RSPH14: variants seen among roughly 807,000 people sequenced by gnomAD.
The protein encoded by RSPH14 is rhabdoid tumor deletion region gene 1.
In RSPH14, 20 loss-of-function variants were observed where a neutral mutation model predicts 26.7. That is an observed-to-expected ratio of 0.75 (90% CI 0.53 to 1.09). The LOEUF is 1.09. Ranked by LOEUF, RSPH14 falls within the 50% of genes least tolerant of loss-of-function variation. RSPH14 has a pLI of 0.00. For missense variants in RSPH14, 449 were observed against 457.2 expected (o/e 0.98, Z 0.16); for synonymous variants, 177 against 189.3 (o/e 0.93, Z 0.53).
At chr22:23,087,517 C>T (rs574329839) in intron 4 of RSPH14, among the ~76,000 whole-genome samples, 265 of 152,280 alleles carry the variant, frequency 1.7e-3, no homozygotes, top group Non-Finnish European at 2.1e-3. Flanking sequence ...CTAGACAGAG[C>T]CGATTCTTCA....
At chr22:23,113,360 C>G (rs1399074393) in intron 4 of RSPH14, among the ~76,000 whole-genome samples, 1 of 152,232 alleles carries the variant, frequency 6.6e-6, no homozygotes, top group Non-Finnish European at 1.5e-5. Flanking sequence ...TCCCATCAAC[C>G]CCTCACACAC....
chr22:23,144,355 C>G (rs1422369974), upstream of RSPH14, among the ~76,000 whole-genome samples: 1 of 152,204 alleles, frequency 6.6e-6, no homozygotes, highest in East Asian at 1.9e-4. Flanking sequence ...TACCAGGAAG[C>G]TTTCAGTACA....
At chr22:23,076,156 G>A (rs1213435593) in intron 4 of RSPH14, among the ~76,000 whole-genome samples, 1 of 152,220 alleles carries the variant, frequency 6.6e-6, no homozygotes, top group African/African-American at 2.4e-5. Context: ...GGGCCTCTAT[G>A]TAGAACAGCG....
chr22:23,135,760 C>A (rs142621592), intron 3 of RSPH14, among the ~76,000 whole-genome samples: 14 of 152,044 alleles, frequency 9.2e-5, no homozygotes, highest in African/African-American at 3.4e-4. Flanking sequence ...TAAAATGAAC[C>A]ATTTAAAGGA....
the RSPH14 span, among the ~76,000 whole-genome samples, chr22:23,160,721 G>A: frequency 6.6e-6 from 1 of 152,154 alleles, no homozygotes; most frequent in Non-Finnish European, 1.5e-5. Flanking sequence ...GTGTGAGTGG[G>A]TGGGGCTGTG....
the RSPH14 span, among the ~76,000 whole-genome samples, chr22:23,177,152 C>T: frequency 3.9e-5 from 6 of 152,240 alleles, no homozygotes; most frequent in Non-Finnish European, 7.3e-5. Context: ...CATCTCCCAA[C>T]CTGGCTGCTC....
chr22:23,099,297 C>T (rs2069225428), intron 4 of RSPH14, among the ~76,000 whole-genome samples: 2 of 152,246 alleles, frequency 1.3e-5, no homozygotes, highest in South Asian at 4.1e-4. Context: ...AGCATGGCAG[C>T]GAGCCACATG....
chr22:23,059,488 T>C lies in RSPH14; in HGVS notation c.1021A>G (p.Ile341Val), dbSNP rs767233021. Residue 341 changes from isoleucine (I) to valine (V), a missense_variant, in exon 7 of 7, where the codon ATC (isoleucine) becomes GTC (valine). Physicochemically the swap from Ile to Val is conservative, Grantham distance 29. Coordinates refer to ENST00000216036, the MANE Select transcript of RSPH14 (RefSeq NM_014433.3). ...EALQRAARIA[I>V]SVIEFKP ...CAGGGTTTGAACTCGATGACACTGA[T>C]GGCGATCCGGGCTGCCCGCTGTAAG... 21 of 1,612,464 alleles carry C rather than the reference T, an allele frequency of 1.3e-5. No individual in the cohort carries two copies. Among genetic ancestry groups the C allele is most frequent in the African/African-American group, 4.0e-5 (3 of 74,868 alleles).
chr22:23,174,153 G>C, the RSPH14 span, among the ~76,000 whole-genome samples: 12 of 151,964 alleles, frequency 7.9e-5, no homozygotes, highest in African/African-American at 2.6e-4. Flanking sequence ...TGGCCTCCGG[G>C]AGGGGTTTGC....
the RSPH14 span, chr22:23,161,709 C>T: frequency 1.9e-5 from 13 of 688,772 alleles, no homozygotes; most frequent in Non-Finnish European, 2.6e-5. Flanking sequence ...ACCCACCCAC[C>T]GGGCTCAGCT....
chr22:23,152,396 G>C, the RSPH14 span: 1 of 1,532,088 alleles, frequency 6.5e-7, no homozygotes, highest in Non-Finnish European at 9.0e-7. Context: ...GAAGGAAGGG[G>C]CTGTGAGTGT....
chr22:23,078,150 G>C (rs899890941), intron 4 of RSPH14, among the ~76,000 whole-genome samples: 1 of 152,204 alleles, frequency 6.6e-6, no homozygotes, highest in Non-Finnish European at 1.5e-5. Context: ...CCTCCAGCAT[G>C]GTCACCCCCT....
chr22:23,070,198 G>A (rs1291726637), intron 4 of RSPH14, among the ~76,000 whole-genome samples: 2 of 151,748 alleles, frequency 1.3e-5, no homozygotes, highest in Non-Finnish European at 2.9e-5. Flanking sequence ...AATGGACAGA[G>A]GGCCGGCGCT....
At chr22:23,091,417 C>A (rs1347192396) in intron 4 of RSPH14, among the ~76,000 whole-genome samples, 2 of 151,814 alleles carry the variant, frequency 1.3e-5, no homozygotes, top group African/African-American at 4.8e-5. Context: ...CATACATGCA[C>A]ACGCACCACA....
chr22:23,153,476 A>G, the RSPH14 span: 1 of 709,406 alleles, frequency 1.4e-6, no homozygotes, highest in Non-Finnish European at 1.7e-6. Context: ...CCAGGCCAGC[A>G]GGGTGGCCTC....
intron 4 of RSPH14, among the ~76,000 whole-genome samples, chr22:23,110,328 C>T (rs1472175852): frequency 2.0e-5 from 3 of 152,154 alleles, no homozygotes; most frequent in South Asian, 2.1e-4. Flanking sequence ...GAGGGCATCA[C>T]GGCAGCCCCC....
intron 4 of RSPH14, among the ~76,000 whole-genome samples, chr22:23,117,729 A>T (rs953160244): frequency 6.6e-6 from 1 of 152,224 alleles, no homozygotes; most frequent in African/African-American, 2.4e-5. Context: ...ACAGATGAGG[A>T]AACTGAGGCC....
At chr22:23,173,009 G>C in the RSPH14 span, among the ~76,000 whole-genome samples, 1 of 68 alleles carries the variant, frequency 0.015, no homozygotes, top group African/African-American at 0.083. Flanking sequence ...TTTCAGAATA[G>C]TGTCTTTTCA....
intron 4 of RSPH14, among the ~76,000 whole-genome samples, chr22:23,069,708 TGGCGGCGGGG>T (rs1234068869): frequency 2.0e-5 from 3 of 151,950 alleles, no homozygotes; most frequent in African/African-American, 2.4e-5. Context: ...CACTGGGCGG[TGGCGGCGGGG>T]GGCGGCGGCA....
Sources: gnomAD v4.1 joint callset for allele counts (sites outside exome capture counted in the v4.1 genomes callset) on GRCh38, gnomAD v4.1.1 for gene constraint, MANE v1.5 for transcripts, NCBI Gene and HGNC (gene_info 2026-07-23, HGNC 2026-07-21) for gene names.